Variants in GABRG3 observed in about 807,000 individuals in gnomAD.
The protein encoded by GABRG3 is gamma-aminobutyric acid type A receptor subunit gamma3.
A neutral mutation model predicts 48.8 loss-of-function variants in GABRG3; 25 were observed. The ratio of observed to expected loss-of-function variants is 0.51; its 90% CI spans 0.37 to 0.72. GABRG3 has a LOEUF of 0.72. Among genes scored for constraint, GABRG3 ranks in the 30% least tolerant of loss-of-function variants. GABRG3 has a pLI of 0.00. For missense variants in GABRG3, 394 were observed against 577.9 expected (o/e 0.68, Z 3.26); for synonymous variants, 227 against 217.6 (o/e 1.04, Z -0.38).
chr15:27,054,262 A>AGGAG (rs1015561915), intron 3 of GABRG3, among the ~76,000 whole-genome samples: 13 of 152,072 alleles, frequency 8.5e-5, no homozygotes, highest in African/African-American at 3.1e-4. Context: ...AAAAGAAAAA[A>AGGAG]GGAGGGAGGG....
chr15:27,056,383 AAAGAAAAT>A (rs1369945112), intron 3 of GABRG3, among the ~76,000 whole-genome samples: 1 of 151,864 alleles, frequency 6.6e-6, no homozygotes, highest in African/African-American at 2.4e-5. Flanking sequence ...AGAAAAGAAA[AAAGAAAAT>A]AAACATACAT....
chr15:27,156,015 C>T (rs545635041), intron 3 of GABRG3, among the ~76,000 whole-genome samples: 4 of 151,918 alleles, frequency 2.6e-5, no homozygotes, highest in African/African-American at 2.4e-5. Context: ...AGTATTCTGT[C>T]GTGGCCAGGC....
chr15:27,134,260 A>C (rs7162153), intron 3 of GABRG3, among the ~76,000 whole-genome samples: 2 of 152,126 alleles, frequency 1.3e-5, no homozygotes, highest in Non-Finnish European at 2.9e-5. Flanking sequence ...CACTTTATTA[A>C]CGAGCAGACT....
Position 27,261,976 on chromosome 15 carries a change from T to A in GABRG3, c.271-64833T>A, listed in dbSNP as rs191984095. On this transcript the variant is annotated intron_variant, in intron 3 of 9. Transcript: ENST00000615808. ...CTTCACTAAATGGTTTTACTCTTTATGGTTTCTTTCTCCCTCTCTTCCAAC... is the reference window on the plus strand; with the variant it reads ...CTTCACTAAATGGTTTTACTCTTTAAGGTTTCTTTCTCCCTCTCTTCCAAC... Among the ~76,000 whole-genome samples, 4 of 152,352 alleles carry A rather than the reference T, an allele frequency of 2.6e-5. No individual in the cohort carries two copies. The East Asian group carries it at 7.7e-4, about 29-fold the overall frequency.
At chr15:27,207,159 C>T (rs1475237345) in intron 3 of GABRG3, among the ~76,000 whole-genome samples, 3 of 152,138 alleles carry the variant, frequency 2.0e-5, no homozygotes, top group African/African-American at 4.8e-5. Flanking sequence ...TTTATCTCCT[C>T]CTTCTGATCT....
At chr15:27,083,067 T>A (rs1897017594) in intron 3 of GABRG3, among the ~76,000 whole-genome samples, 3 of 152,226 alleles carry the variant, frequency 2.0e-5, no homozygotes, top group South Asian at 4.1e-4. Flanking sequence ...AAGGTAAAGA[T>A]CAAACCAGCC....
intron 5 of GABRG3, among the ~76,000 whole-genome samples, chr15:27,397,776 T>C: frequency 6.6e-6 from 1 of 151,782 alleles, no homozygotes; most frequent in East Asian, 2.0e-4. Context: ...TCATCTCAAA[T>C]TCCAAGGCAT....
At chr15:27,483,665 C>T (rs964577695) in intron 6 of GABRG3, among the ~76,000 whole-genome samples, 3 of 152,146 alleles carry the variant, frequency 2.0e-5, no homozygotes, top group Non-Finnish European at 4.4e-5. Flanking sequence ...CTGGGTGAAT[C>T]TGATGATGAT....
chr15:27,377,336 C>A (rs1018215919), intron 5 of GABRG3, among the ~76,000 whole-genome samples: 1 of 152,228 alleles, frequency 6.6e-6, no homozygotes, highest in African/African-American at 2.4e-5. Flanking sequence ...TCCAAAGTCA[C>A]TTCCACGTTT....
At chr15:27,482,351 C>T (rs890406895) in intron 6 of GABRG3, among the ~76,000 whole-genome samples, 5 of 152,236 alleles carry the variant, frequency 3.3e-5, no homozygotes, top group African/African-American at 4.8e-5. Flanking sequence ...TGAGAAGTCA[C>T]GCCCTGCCTG....
intron 3 of GABRG3, among the ~76,000 whole-genome samples, chr15:27,155,951 A>C (rs1226365311): frequency 1.3e-5 from 2 of 152,252 alleles, no homozygotes; most frequent in Admixed American, 6.5e-5. Flanking sequence ...AGCGAAGCCA[A>C]GTCCACCATT....
At chr15:27,041,927 C>G (rs1260631529) in intron 3 of GABRG3, among the ~76,000 whole-genome samples, 1 of 152,162 alleles carries the variant, frequency 6.6e-6, no homozygotes, top group Non-Finnish European at 1.5e-5. Flanking sequence ...GGGATGAGAC[C>G]TCTGAGAGGT....
intron 3 of GABRG3, among the ~76,000 whole-genome samples, chr15:27,192,884 A>G (rs1416076419): frequency 6.6e-6 from 1 of 152,042 alleles, no homozygotes; most frequent in African/African-American, 2.4e-5. Flanking sequence ...TGATGTACAG[A>G]TGGGTTTTTG....
intron 3 of GABRG3, among the ~76,000 whole-genome samples, chr15:27,307,419 A>ATATAGGTTTATATATTTATATATAAC (rs1892639114): frequency 1.2e-5 from 1 of 85,730 alleles, no homozygotes; most frequent in African/African-American, 3.9e-5. Context: ...TTATATATAA[A>ATATAGGTTTATATATTTATATATAAC]CATATAGGTT....
chr15:27,037,156 C>A (rs1192883071), intron 3 of GABRG3, among the ~76,000 whole-genome samples: 1 of 152,176 alleles, frequency 6.6e-6, no homozygotes, highest in Non-Finnish European at 1.5e-5. Context: ...GAGCACCAGC[C>A]CTGCTGACAC....
chr15:27,125,411 G>T (rs1595538332), intron 3 of GABRG3, among the ~76,000 whole-genome samples: 1 of 152,158 alleles, frequency 6.6e-6, no homozygotes, highest in African/African-American at 2.4e-5. Flanking sequence ...AGCCAAATAG[G>T]AATGAGTGCT....
At chr15:27,013,378 G>T (rs939588474) in intron 2 of GABRG3, among the ~76,000 whole-genome samples, 5 of 151,984 alleles carry the variant, frequency 3.3e-5, no homozygotes, top group African/African-American at 1.2e-4. Context: ...TAAGTTTAAT[G>T]TAGTCCATTT....
At chr15:27,206,864 A>G (rs543924392) in intron 3 of GABRG3, among the ~76,000 whole-genome samples, 1 of 152,244 alleles carries the variant, frequency 6.6e-6, no homozygotes, top group African/African-American at 2.4e-5. Flanking sequence ...AAATAAGAAT[A>G]GCAACCGGTG....
intron 6 of GABRG3, among the ~76,000 whole-genome samples, chr15:27,481,932 T>G (rs1376059073): frequency 6.6e-6 from 1 of 152,172 alleles, no homozygotes; most frequent in Admixed American, 6.5e-5. Flanking sequence ...CTTTGGGGTC[T>G]AAGGCCGCCT....
Sources: allele counts gnomAD v4.1 joint callset (sites outside exome capture counted in the v4.1 genomes callset), GRCh38; gene constraint gnomAD v4.1.1; transcripts MANE v1.5; gene names NCBI Gene and HGNC (gene_info 2026-07-23, HGNC 2026-07-21).